The following CTNND2 variants were observed in gnomAD, a reference collection of about 807,000 sequenced individuals.
CTNND2 encodes catenin delta-2.
A neutral mutation model predicts 144.4 loss-of-function variants in CTNND2; 22 were observed. That is an observed-to-expected ratio of 0.15 (90% CI 0.11 to 0.22). The LOEUF (loss-of-function observed/expected upper bound fraction) is 0.22. CTNND2 is among the 10% of genes least tolerant of loss of function. The pLI is 1.00. For synonymous variants in CTNND2, 751 were observed against 695.6 expected, an observed-to-expected ratio of 1.08 and a Z score of -1.25; for missense variants, 1,353 against 1,618.8, an observed-to-expected ratio of 0.84 and a Z score of 2.82.
chr5:11,589,864 T>C (rs1404671851), intron 2 of CTNND2, among the ~76,000 whole-genome samples: 5 of 152,180 alleles, frequency 3.3e-5, no homozygotes, highest in African/African-American at 1.2e-4. Context: ...CTGTGAGTAT[T>C]AACAAGATGA....
chr5:11,517,114 G>C (rs1206077133), intron 3 of CTNND2, among the ~76,000 whole-genome samples: 1 of 152,170 alleles, frequency 6.6e-6, no homozygotes, highest in Non-Finnish European at 1.5e-5. Context: ...TAACCATTGT[G>C]TTTATGTTCC....
intron 12 of CTNND2, among the ~76,000 whole-genome samples, chr5:11,153,132 T>C (rs1252021989): frequency 6.6e-6 from 1 of 151,930 alleles, no homozygotes; most frequent in East Asian, 1.9e-4. Flanking sequence ...GGTGTGGTGG[T>C]ATGTATGTAG....
intron 16 of CTNND2, among the ~76,000 whole-genome samples, chr5:11,058,006 G>A (rs1270610612): frequency 1.3e-5 from 2 of 152,192 alleles, no homozygotes; most frequent in African/African-American, 4.8e-5. Flanking sequence ...TTTCTAAGCA[G>A]CAAAGCATTC....
At chr5:11,877,967 A>G (rs570643421) in intron 1 of CTNND2, among the ~76,000 whole-genome samples, 2 of 152,260 alleles carry the variant, frequency 1.3e-5, no homozygotes, top group Non-Finnish European at 2.9e-5. Flanking sequence ...AAATTCTGAG[A>G]CTTTGTATAT....
At chr5:11,002,533 GTGAATATTT>G (rs1313888302) in intron 18 of CTNND2, among the ~76,000 whole-genome samples, 5 of 152,198 alleles carry the variant, frequency 3.3e-5, no homozygotes, top group Non-Finnish European at 5.9e-5. Context: ...GGAGGGGAGA[GTGAATATTT>G]CAAGGGCTGC....
intron 1 of CTNND2, among the ~76,000 whole-genome samples, chr5:11,894,617 C>A (rs1420857948): frequency 6.6e-6 from 1 of 152,172 alleles, no homozygotes; most frequent in African/African-American, 2.4e-5. Context: ...ATATTTTATA[C>A]TTAAATGTTT....
chr5:11,653,075 G>A (rs1361426301), intron 2 of CTNND2, among the ~76,000 whole-genome samples: 6 of 13,456 alleles, frequency 4.5e-4, no homozygotes, highest in Non-Finnish European at 1.5e-3. Context: ...AAATTCGTGT[G>A]TGTGTGTGTG....
chr5:11,095,646 T>C (rs778888417), intron 15 of CTNND2, among the ~76,000 whole-genome samples: 14 of 152,350 alleles, frequency 9.2e-5, no homozygotes, highest in Non-Finnish European at 1.6e-4. Context: ...CTAAATTCTC[T>C]TCTAGAGGAC....
chr5:11,593,123 T>C (rs533531411), intron 2 of CTNND2, among the ~76,000 whole-genome samples: 1 of 152,286 alleles, frequency 6.6e-6, no homozygotes, highest in Admixed American at 6.5e-5. Flanking sequence ...AAAATGCTTA[T>C]ATGCAGCACA....
At chr5:11,873,015 A>G (rs1170272301) in intron 1 of CTNND2, among the ~76,000 whole-genome samples, 1 of 152,188 alleles carries the variant, frequency 6.6e-6, no homozygotes. Context: ...TAATTAAACT[A>G]AAGAGCTTCT....
chr5:11,798,191 G>A (rs2126881598), intron 1 of CTNND2, among the ~76,000 whole-genome samples: 1 of 151,880 alleles, frequency 6.6e-6, no homozygotes, highest in Non-Finnish European at 1.5e-5. Flanking sequence ...GAACCCGGGA[G>A]GCGGAGGTTG....
intron 9 of CTNND2, among the ~76,000 whole-genome samples, chr5:11,314,438 C>T (rs1009597629): frequency 1.1e-4 from 17 of 152,168 alleles, no homozygotes; most frequent in African/African-American, 4.1e-4. Context: ...GCAGCCTCTA[C>T]CTCCAGGGAT....
chr5:11,032,608 C>G (rs967038618), intron 16 of CTNND2, among the ~76,000 whole-genome samples: 1 of 152,084 alleles, frequency 6.6e-6, no homozygotes, highest in Non-Finnish European at 1.5e-5. Flanking sequence ...TCTCTGACCT[C>G]TGGAAACATC....
intron 2 of CTNND2, among the ~76,000 whole-genome samples, chr5:11,618,283 C>T (rs527530398): frequency 1.3e-5 from 2 of 152,288 alleles, no homozygotes; most frequent in South Asian, 4.2e-4. Context: ...TATAACTACA[C>T]TGTGGAATCA....
intron 3 of CTNND2, among the ~76,000 whole-genome samples, chr5:11,521,439 T>C (rs1772705385): frequency 6.6e-6 from 1 of 152,118 alleles, no homozygotes; most frequent in Non-Finnish European, 1.5e-5. Context: ...CCTTAGAGAG[T>C]TGTTCTGAAG....
intron 15 of CTNND2, among the ~76,000 whole-genome samples, chr5:11,086,668 G>T (rs1291434176): frequency 2.6e-5 from 4 of 152,162 alleles, no homozygotes; most frequent in Non-Finnish European, 4.4e-5. Flanking sequence ...TGAGAATTTG[G>T]TAACAAGGAG....
intron 2 of CTNND2, among the ~76,000 whole-genome samples, chr5:11,689,272 T>C (rs1784790753): frequency 2.0e-5 from 3 of 152,228 alleles, no homozygotes; most frequent in Admixed American, 2.0e-4. Context: ...AAAATGGGAA[T>C]GATGGTGTCT....
Position 11,072,071 on chromosome 5 carries a change from G to C in CTNND2, c.2788+10625C>G, listed in dbSNP as rs554362967. ...CCATAGACACTGGGGGTATTAGTCTGTGGAGGTAATAGTCAATTAAAATGT... is the reference window on the plus strand; with the variant it reads ...CCATAGACACTGGGGGTATTAGTCTCTGGAGGTAATAGTCAATTAAAATGT... On this transcript the variant is annotated intron_variant, in intron 16 of 21. Transcript: ENST00000304623. Among the ~76,000 whole-genome samples, 5 of 152,314 alleles carry C rather than the reference G, an allele frequency of 3.3e-5. No individual in the cohort carries two copies. The South Asian group carries it at 8.3e-4, about 25-fold the overall frequency.
chr5:11,717,198 G>A (rs1050180757), intron 2 of CTNND2, among the ~76,000 whole-genome samples: 1 of 151,926 alleles, frequency 6.6e-6, no homozygotes, highest in Non-Finnish European at 1.5e-5. Flanking sequence ...TAGAAATTTT[G>A]TTATGAAATA....
Sources: gnomAD v4.1 joint callset for allele counts (sites outside exome capture counted in the v4.1 genomes callset) on GRCh38, gnomAD v4.1.1 for gene constraint, MANE v1.5 for transcripts, NCBI Gene and HGNC (gene_info 2026-07-23, HGNC 2026-07-21) for gene names.